The following LHFPL2 variants were observed in gnomAD, a reference collection of about 807,000 sequenced individuals.
LHFPL2 encodes the protein LHFPL tetraspan subfamily member 2.
In LHFPL2, 7 loss-of-function variants were observed where a neutral mutation model predicts 17.5. The ratio of observed to expected loss-of-function variants is 0.40; its 90% CI spans 0.23 to 0.75. LHFPL2 has a LOEUF of 0.75. LHFPL2 is among the 30% of genes least tolerant of loss of function. The pLI is 0.37. For missense variants in LHFPL2, 241 were observed against 294.8 expected, an observed-to-expected ratio of 0.82 and a Z score of 1.34; for synonymous variants, 134 against 116.2, an observed-to-expected ratio of 1.15 and a Z score of -0.99.
intron 1 of LHFPL2, among the ~76,000 whole-genome samples, chr5:78,639,171 C>T (rs1056009668): frequency 4.6e-5 from 7 of 152,180 alleles, no homozygotes; most frequent in African/African-American, 1.7e-4. Context: ...CCCACCACCA[C>T]CACCATTGGG....
intron 2 of LHFPL2, among the ~76,000 whole-genome samples, chr5:78,599,945 C>A (rs1238469970): frequency 6.6e-6 from 1 of 152,036 alleles, no homozygotes; most frequent in Non-Finnish European, 1.5e-5. Flanking sequence ...AAATCTCTGA[C>A]TACAAGAAAA....
At chr5:78,585,381 C>G (rs1387061355) in intron 2 of LHFPL2, among the ~76,000 whole-genome samples, 3 of 151,780 alleles carry the variant, frequency 2.0e-5, no homozygotes, top group African/African-American at 7.3e-5. Flanking sequence ...CAGGTGCCGT[C>G]TGTCACCCCT....
Position 78,643,877 on chromosome 5 carries a change from A to G in LHFPL2, c.-350+4622T>C, listed in dbSNP as rs922501603. 3.3e-5 allele frequency among the ~76,000 whole-genome samples: 5 copies of G among 152,338 alleles called. No homozygotes were observed. In the East Asian group the frequency reaches 9.6e-4, roughly 29 times the overall value. ...GGAGTTCGAGACCAGCCTGGCCAAC[A>G]TGGTGAAACCCCATCTCTACTAAAA... is the stretch of plus-strand genomic sequence containing the variant. On this transcript the variant is annotated intron_variant, in intron 1 of 4. Coordinates refer to ENST00000380345, the MANE Select transcript of LHFPL2 (RefSeq NM_005779.3).
chr5:78,572,498 G>A (rs1580818209), intron 2 of LHFPL2, among the ~76,000 whole-genome samples: 1 of 146,996 alleles, frequency 6.8e-6, no homozygotes, highest in Admixed American at 6.8e-5. Flanking sequence ...ATATATGTGT[G>A]TATATATATA....
At chr5:78,532,274 C>T (rs902646048) in intron 3 of LHFPL2, among the ~76,000 whole-genome samples, 1 of 150,736 alleles carries the variant, frequency 6.6e-6, no homozygotes, top group African/African-American at 2.4e-5. Context: ...TGCCCAAGCT[C>T]ATCTCGAACT....
chr5:78,521,015 C>T (rs995680901), intron 3 of LHFPL2, among the ~76,000 whole-genome samples: 1 of 152,116 alleles, frequency 6.6e-6, no homozygotes, highest in Non-Finnish European at 1.5e-5. Context: ...AAGTCTTAAC[C>T]GTTTTTAAAA....
chr5:78,498,160 ACAC>A (rs1292788531), intron 4 of LHFPL2, among the ~76,000 whole-genome samples: 3 of 152,158 alleles, frequency 2.0e-5, no homozygotes, highest in Non-Finnish European at 4.4e-5. Context: ...AGAACGGAAA[ACAC>A]CACTGCGAAG....
intron 1 of LHFPL2, among the ~76,000 whole-genome samples, chr5:78,641,120 G>A (rs553541558): frequency 6.6e-6 from 1 of 152,326 alleles, no homozygotes; most frequent in South Asian, 2.1e-4. Flanking sequence ...GAAGACCTGG[G>A]AACCACACAC....
chr5:78,548,367 C>T (rs747436899), intron 3 of LHFPL2, among the ~76,000 whole-genome samples: 4 of 152,218 alleles, frequency 2.6e-5, no homozygotes, highest in South Asian at 2.1e-4. Context: ...GTCCAGCCTC[C>T]GTGGGGAGCG....
intron 2 of LHFPL2, among the ~76,000 whole-genome samples, chr5:78,596,392 T>C (rs1424484114): frequency 1.3e-5 from 2 of 152,214 alleles, no homozygotes; most frequent in African/African-American, 2.4e-5. Flanking sequence ...CATGCAGGCA[T>C]GAACGAATCA....
intron 3 of LHFPL2, among the ~76,000 whole-genome samples, chr5:78,514,091 A>G (rs1441772682): frequency 6.6e-6 from 1 of 152,208 alleles, no homozygotes; most frequent in Non-Finnish European, 1.5e-5. Context: ...TATTAACCAC[A>G]GGGATACGAG....
At chr5:78,635,555 C>T (rs1453883067) in intron 1 of LHFPL2, among the ~76,000 whole-genome samples, 1 of 152,266 alleles carries the variant, frequency 6.6e-6, no homozygotes, top group South Asian at 2.1e-4. Flanking sequence ...GTAATTCCAG[C>T]ACTTTGGGAG....
At chr5:78,610,121 C>A (rs75386234) in intron 2 of LHFPL2, among the ~76,000 whole-genome samples, 2,030 of 152,208 alleles carry the variant, frequency 0.013, 44 homozygotes, top group African/African-American at 0.045. Flanking sequence ...CCAGTCAGAC[C>A]CCACTCAAGT....
At position 78,519,481 on chromosome 5, in the gene LHFPL2, C is replaced by T. The variant is rs192346779; in HGVS notation, c.-185-9083G>A. ...CAGGACAAAACCCCTCACCTCCACC[C>T]GTCCAGGGCAATGAGCTCATCCAGA... On this transcript the variant is annotated intron_variant, in intron 3 of 4. Transcript: ENST00000380345. 1.7e-4 allele frequency among the ~76,000 whole-genome samples: 26 copies of T among 152,244 alleles called. 1 individual carries two copies. The highest frequency in any genetic ancestry group is 1.6e-4 in the Non-Finnish European group (11 of 68,014).
chr5:78,539,344 T>G (rs1290579560), intron 3 of LHFPL2, among the ~76,000 whole-genome samples: 2 of 152,216 alleles, frequency 1.3e-5, no homozygotes, highest in Admixed American at 1.3e-4. Context: ...TGAGGTATTT[T>G]TTTATAGCAG....
At chr5:78,523,131 T>C (rs1043671242) in intron 3 of LHFPL2, among the ~76,000 whole-genome samples, 1 of 151,964 alleles carries the variant, frequency 6.6e-6, no homozygotes, top group Non-Finnish European at 1.5e-5. Context: ...TGTGTGTGTG[T>C]GTGTGTATTT....
intron 2 of LHFPL2, among the ~76,000 whole-genome samples, chr5:78,579,989 T>TCCACATCCTCTCCAGCACCTGTTGTTTC (rs1460323993): frequency 3.3e-5 from 5 of 152,224 alleles, no homozygotes; most frequent in Admixed American, 6.5e-5. Context: ...TTCCTATTTC[T>TCCACATCCTCTCCAGCACCTGTTGTTTC]CCACATCCTC....
chr5:78,523,276 C>T (rs1755514819), intron 3 of LHFPL2, among the ~76,000 whole-genome samples: 1 of 152,110 alleles, frequency 6.6e-6, no homozygotes, highest in Non-Finnish European at 1.5e-5. Context: ...CGTACCCATT[C>T]GAATTCACTT....
At chr5:78,508,718 T>G (rs946082156) in intron 4 of LHFPL2, among the ~76,000 whole-genome samples, 2 of 152,186 alleles carry the variant, frequency 1.3e-5, no homozygotes, top group African/African-American at 2.4e-5. Context: ...TTTTGAAGAA[T>G]CCTGTGCACA....
Sources: gnomAD v4.1 joint callset for allele counts (sites outside exome capture counted in the v4.1 genomes callset) on GRCh38, gnomAD v4.1.1 for gene constraint, MANE v1.5 for transcripts, NCBI Gene and HGNC (gene_info 2026-07-23, HGNC 2026-07-21) for gene names.